PLPPR1: variants seen among roughly 807,000 people sequenced by gnomAD.
PLPPR1 encodes phospholipid phosphatase-related protein type 1.
Under a neutral mutation model 33.1 loss-of-function variants are expected in PLPPR1, and 10 were observed. That is an observed-to-expected ratio of 0.30 (90% CI 0.19 to 0.51). PLPPR1 has a LOEUF of 0.51. Ranked by LOEUF, PLPPR1 falls within the 20% of genes least tolerant of loss-of-function variation. The pLI is 0.97. For missense variants in PLPPR1, 304 were observed against 408.1 expected (o/e 0.74, Z 2.20); for synonymous variants, 151 against 151.0 (o/e 1.00, Z 0.00).
At chr9:101,139,366 AC>A (rs1333974653) in intron 1 of PLPPR1, among the ~76,000 whole-genome samples, 1 of 152,158 alleles carries the variant, frequency 6.6e-6, no homozygotes, top group African/African-American at 2.4e-5. Context: ...AGAAAATGTC[AC>A]CACCCAAAGA....
rs541852901 is a variant in PLPPR1 at position 101,209,822 on chromosome 9, T to C, written c.63+24265T>C. 4.6e-5 allele frequency among the ~76,000 whole-genome samples: 7 copies of C among 152,338 alleles called. No individual in the cohort carries two copies. The South Asian group carries it at 1.0e-3, about 23-fold the overall frequency. ...ATTTTTTAGCGAGAAGTTTTAAAAA[T>C]AGCACATCAGCTATGTTCTGGGTCA... is the stretch of plus-strand genomic sequence containing the variant. On this transcript the variant is annotated intron_variant, in intron 2 of 7. Coordinates refer to ENST00000374874, the MANE Select transcript of PLPPR1 (RefSeq NM_207299.2).
chr9:101,282,929 G>C (rs1554687715), intron 3 of PLPPR1, among the ~76,000 whole-genome samples: 1 of 152,158 alleles, frequency 6.6e-6, no homozygotes, highest in Non-Finnish European at 1.5e-5. Flanking sequence ...TGGATTGGAA[G>C]AATTAATACT....
intron 1 of PLPPR1, among the ~76,000 whole-genome samples, chr9:101,066,606 C>G (rs1171970470): frequency 1.3e-5 from 2 of 152,012 alleles, no homozygotes; most frequent in Non-Finnish European, 2.9e-5. Flanking sequence ...TAATCCTATA[C>G]TACTATATTT....
At chr9:101,240,409 A>ACTGTTTTTTTTTTTT (rs1564012614) in intron 2 of PLPPR1, among the ~76,000 whole-genome samples, 13 of 151,784 alleles carry the variant, frequency 8.6e-5, no homozygotes, top group African/African-American at 2.7e-4. Context: ...AAATTTTAGA[A>ACTGTTTTTTTTTTTT]TTGTTTTTTT....
chr9:101,056,623 C>A (rs562296048), intron 1 of PLPPR1, among the ~76,000 whole-genome samples: 4 of 152,220 alleles, frequency 2.6e-5, no homozygotes, highest in East Asian at 1.9e-4. Flanking sequence ...GCAAGACAAA[C>A]AAGATGAGAG....
chr9:101,279,793 G>A (rs1290446076), intron 3 of PLPPR1, among the ~76,000 whole-genome samples: 1 of 152,014 alleles, frequency 6.6e-6, no homozygotes, highest in Non-Finnish European at 1.5e-5. Flanking sequence ...TACCAAAGTG[G>A]ATGGAATCAA....
chr9:101,077,365 A>C (rs1306509070), intron 1 of PLPPR1, among the ~76,000 whole-genome samples: 2 of 152,154 alleles, frequency 1.3e-5, no homozygotes, highest in Non-Finnish European at 2.9e-5. Context: ...CGACTGGCTT[A>C]ACCATTTGTG....
chr9:101,174,078 C>T (rs1825984910), intron 1 of PLPPR1, among the ~76,000 whole-genome samples: 1 of 151,964 alleles, frequency 6.6e-6, no homozygotes, highest in Non-Finnish European at 1.5e-5. Context: ...ATTGGTTGTA[C>T]CAGGGAGGTC....
intron 1 of PLPPR1, among the ~76,000 whole-genome samples, chr9:101,083,389 GA>G (rs11367880): frequency 0.61 from 76,548 of 124,710 alleles, 20,776 homozygotes; most frequent in Non-Finnish European, 0.64. Context: ...TCCATCTCAA[GA>G]AAAAAAAAAA....
chr9:101,110,507 T>A (rs73656144), intron 1 of PLPPR1, among the ~76,000 whole-genome samples: 8,356 of 152,266 alleles, frequency 0.055, 736 homozygotes, highest in African/African-American at 0.19. Context: ...TGTTATATCA[T>A]TGTTTTTAAT....
chr9:101,127,097 A>G (rs1831254961), intron 1 of PLPPR1, among the ~76,000 whole-genome samples: 1 of 152,222 alleles, frequency 6.6e-6, no homozygotes, highest in Non-Finnish European at 1.5e-5. Context: ...TAAGAAAAAT[A>G]AGCAGAATGT....
At chr9:101,198,178 C>A (rs781330730) in intron 2 of PLPPR1, among the ~76,000 whole-genome samples, 6 of 151,956 alleles carry the variant, frequency 3.9e-5, no homozygotes, top group Admixed American at 6.6e-5. Context: ...GCCAGCATAC[C>A]CACTGATACT....
At chr9:101,282,858 G>T (rs1226532270) in intron 3 of PLPPR1, among the ~76,000 whole-genome samples, 1 of 152,126 alleles carries the variant, frequency 6.6e-6, no homozygotes. Context: ...ACAATGAAAA[G>T]TATAAAATAT....
At chr9:101,271,903 T>TA (rs889861041) in intron 3 of PLPPR1, among the ~76,000 whole-genome samples, 180 of 152,028 alleles carry the variant, frequency 1.2e-3, no homozygotes, top group African/African-American at 4.0e-3. Flanking sequence ...TAAAAAAATA[T>TA]AAAAAAGGGA....
At position 101,311,748 on chromosome 9, in the gene PLPPR1, G is replaced by A. The variant is rs562038664; in HGVS notation, c.637-1050G>A. Reference sequence around the variant, plus strand: ...TTTCTATTGTAATACTGTAAAATGCGTCTATTTTAACTTATATGTGCTCAG... The same window carrying A: ...TTTCTATTGTAATACTGTAAAATGCATCTATTTTAACTTATATGTGCTCAG... On this transcript the variant is annotated intron_variant, in intron 5 of 7. Transcript: ENST00000374874. 6.7e-4 allele frequency among the ~76,000 whole-genome samples: 102 copies of A among 152,182 alleles called. 1 individual carries two copies. Among genetic ancestry groups the A allele is most frequent in the Middle Eastern group, 6.8e-3 (2 of 292 alleles).
intron 2 of PLPPR1, among the ~76,000 whole-genome samples, chr9:101,215,672 T>C (rs1363006933): frequency 6.6e-6 from 1 of 152,102 alleles, no homozygotes; most frequent in African/African-American, 2.4e-5. Flanking sequence ...ACCATCATTG[T>C]ACTCTCTATC....
intron 1 of PLPPR1, among the ~76,000 whole-genome samples, chr9:101,119,811 C>T (rs754980854): frequency 3.3e-5 from 5 of 152,170 alleles, no homozygotes; most frequent in Non-Finnish European, 5.9e-5. Flanking sequence ...GCTCTGGGCT[C>T]TGGAATAATA....
intron 1 of PLPPR1, among the ~76,000 whole-genome samples, chr9:101,108,828 G>A (rs907328994): frequency 2.0e-5 from 3 of 151,890 alleles, no homozygotes; most frequent in Admixed American, 6.5e-5. Context: ...GTGTTTTTAT[G>A]TTAATATGCA....
intron 4 of PLPPR1, among the ~76,000 whole-genome samples, chr9:101,291,764 G>A (rs1245717334): frequency 6.6e-6 from 1 of 152,086 alleles, no homozygotes; most frequent in Non-Finnish European, 1.5e-5. Context: ...CAAACAGAAA[G>A]GACATCCACA....
Sources: allele counts gnomAD v4.1 joint callset (sites outside exome capture counted in the v4.1 genomes callset), GRCh38; gene constraint gnomAD v4.1.1; transcripts MANE v1.5; gene names NCBI Gene and HGNC (gene_info 2026-07-23, HGNC 2026-07-21).